The following PEX11B variants were observed in gnomAD, a reference collection of about 807,000 sequenced individuals.
PEX11B encodes peroxisomal membrane protein 11B.
In PEX11B, 18 loss-of-function variants were observed where a neutral mutation model predicts 28.2. That is an observed-to-expected ratio of 0.64 (90% CI 0.44 to 0.95). The LOEUF (loss-of-function observed/expected upper bound fraction) is 0.95. PEX11B is among the 40% of genes least tolerant of loss of function. The probability of loss-of-function intolerance (pLI) is 0.00; values close to 1 mark genes in which losing one functional copy is unlikely to be tolerated. For missense variants in PEX11B, 305 were observed against 319.8 expected, an observed-to-expected ratio of 0.95 and a Z score of 0.35; for synonymous variants, 128 against 128.7, an observed-to-expected ratio of 0.99 and a Z score of 0.04.
At position 145,918,706 on chromosome 1, in the gene PEX11B, C is replaced by A. The variant is rs587689643; in HGVS notation, c.-18G>T. 5.5e-4 allele frequency: 859 copies of A among 1,562,138 alleles called. 13 individuals carry two copies. The South Asian group carries it at 9.4e-3, about 17-fold the overall frequency. On this transcript the variant is annotated 5_prime_UTR_variant, in exon 1 of 4. Coordinates refer to ENST00000369306, the MANE Select transcript of PEX11B (RefSeq NM_003846.3). ...GCGTCCATGACAGCCGCAGCCCAGGCTCCGCGGCCCTGCTCCCGCCCCACT... is the reference window on the plus strand; with the variant it reads ...GCGTCCATGACAGCCGCAGCCCAGGATCCGCGGCCCTGCTCCCGCCCCACT...
chr1:145,912,324 G>A lies in PEX11B; in HGVS notation c.617C>T (p.Pro206Leu), dbSNP rs139422226. The A allele has an allele frequency of 8.6e-5, 138 of 1,613,934 alleles. No individual in the cohort carries two copies. Among genetic ancestry groups the A allele is most frequent in the Non-Finnish European group, 1.0e-4 (123 of 1,180,000 alleles). ...ATTTCTGACCACGTCTAGCAGAAGT[G>A]GGGGATGACCTCTAAGGACTCGAGC... ...LLARVLRGHPPLLLDVVRNAC... is the reference protein window; with the variant it reads ...LLARVLRGHPLLLLDVVRNAC... Residue 206 changes from proline (P) to leucine (L), a missense_variant, in exon 4 of 4, where the codon CCA (proline) becomes CTA (leucine). By Grantham distance (98) the Pro-to-Leu change is moderately conservative. Coordinates refer to ENST00000369306, the MANE Select transcript of PEX11B (RefSeq NM_003846.3).
chr1:145,912,046 C>CT lies in PEX11B; in HGVS notation c.*114dup. 1.2e-6 allele frequency: 1 copy of CT among 810,478 alleles called. No homozygotes were observed. The highest frequency in any genetic ancestry group is 1.8e-6 in the Non-Finnish European group (1 of 551,190). The allele number at this position is 810,478 out of a possible 1,614,324, so 50.2% of individuals were successfully genotyped here. On this transcript the variant is annotated 3_prime_UTR_variant, in exon 4 of 4. Coordinates refer to ENST00000369306, the MANE Select transcript of PEX11B (RefSeq NM_003846.3). ...CAAAGCTCTTCCTCCACCCCTAAAT[C>CT]TCTGAATTTCTAACTTTAACCAAAG... is the stretch of plus-strand genomic sequence containing the variant.
chr1:145,918,625 G>C lies in PEX11B; in HGVS notation c.56+8C>G. 1 of 1,589,396 alleles carries C rather than the reference G, an allele frequency of 6.3e-7. No homozygotes were observed. Among genetic ancestry groups the C allele is most frequent in the Non-Finnish European group, 8.5e-7 (1 of 1,170,386 alleles). ...CCCGCCCCACCCCCATTCCTATTCGGGCCGCACCTACACAGCCGCTCCCGG... is the reference window on the plus strand; with the variant it reads ...CCCGCCCCACCCCCATTCCTATTCGCGCCGCACCTACACAGCCGCTCCCGG... On this transcript the variant is annotated splice_region_variant and intron_variant, in intron 1 of 3. Coordinates refer to ENST00000369306, the MANE Select transcript of PEX11B (RefSeq NM_003846.3).
chr1:145,918,485 C>G, intron 1 of PEX11B, 148 bp downstream of exon 1: 1 of 1,537,022 alleles, frequency 6.5e-7, no homozygotes, highest in Non-Finnish European at 8.7e-7. Flanking sequence ...AACAGCGGCT[C>G]AAATCTGCGC....
intron 3 of PEX11B, among the ~76,000 whole-genome samples, chr1:145,915,794 T>C (rs1375457283): frequency 6.6e-6 from 1 of 151,914 alleles, no homozygotes; most frequent in African/African-American, 2.4e-5. Context: ...CCACCACACC[T>C]GGCTAATTTT....
Position 145,912,464 on chromosome 1 carries a change from A to C in PEX11B, c.477T>G (p.Gly159=). The change falls in exon 4 of 4, where the codon GGT becomes GGG. Residue 159 remains glycine (G), a synonymous_variant. Coordinates refer to ENST00000369306, the MANE Select transcript of PEX11B (RefSeq NM_003846.3). ...TTCCTCCTGGGACTCCTCCTCCAGA[A>C]CCTTTCAGTCGCCGGCTACAAGCAG... ...ESSACSRRLK[G]SGGGVPGGSE... is the part of the protein sequence containing the mutation. The C allele has an allele frequency of 6.6e-7, 1 of 1,520,950 alleles. No individual in the cohort carries two copies. The highest frequency in any genetic ancestry group is 8.8e-7 in the Non-Finnish European group (1 of 1,134,576). 94.2% of individuals were successfully genotyped at this position (1,520,950 alleles called of 1,614,324 possible).
rs1553753974 is a variant in PEX11B, at chr1:145,916,856, G to A, written c.335C>T (p.Pro112Leu). 1.2e-6 allele frequency: 2 copies of A among 1,614,084 alleles called. No homozygotes were observed. The highest frequency in any genetic ancestry group is 2.2e-5 in the South Asian group (2 of 91,082). Residue 112 changes from proline (P) to leucine (L), a missense_variant, in exon 3 of 4, where the codon CCC becomes CTC. Transcript: ENST00000369306. ...VLWAGKSGLAPRVDQEKWAQR... is the reference protein window; with the variant it reads ...VLWAGKSGLALRVDQEKWAQR... ...GGCCCACTTCTCCTGATCCACACGG[G>A]GAGCCAGTCCAGACTTTCCAGCCCA...
Position 145,917,793 on chromosome 1 carries a change from A to G in PEX11B, c.80T>C (p.Leu27Pro). 6.2e-7 allele frequency: 1 copy of G among 1,613,592 alleles called. No homozygotes were observed. Among genetic ancestry groups the G allele is most frequent in the Non-Finnish European group, 8.5e-7 (1 of 1,179,460 alleles). Residue 27 changes from leucine (L) to proline (P), a missense_variant, in exon 2 of 4, where the codon CTT becomes CCT. Physicochemically the swap from Leu to Pro is moderately conservative, Grantham distance 98. Coordinates refer to ENST00000369306, the MANE Select transcript of PEX11B (RefSeq NM_003846.3). Reference sequence around the variant, plus strand: ...ATGCCTCTGCAGCGCATGGCCAAGAAGAGAGCAAGCATACTGGGCGGCCCT... The same window carrying G: ...ATGCCTCTGCAGCGCATGGCCAAGAGGAGAGCAAGCATACTGGGCGGCCCT... ...LCRAAQYACSLLGHALQRHGA... is the reference protein window; with the variant it reads ...LCRAAQYACSPLGHALQRHGA...
At chr1:145,915,698 A>G (rs1647339166) in intron 3 of PEX11B, among the ~76,000 whole-genome samples, 1 of 147,936 alleles carries the variant, frequency 6.8e-6, no homozygotes, top group Admixed American at 6.8e-5. Context: ...CAATAGCACG[A>G]TCTCGGCTCA....
At chr1:145,914,783 C>T (rs1553753670) in intron 3 of PEX11B, among the ~76,000 whole-genome samples, 1 of 152,212 alleles carries the variant, frequency 6.6e-6, no homozygotes, top group Non-Finnish European at 1.5e-5. Context: ...CTCTCTACTC[C>T]ATAACACTGT....
intron 3 of PEX11B, 28 bp downstream of exon 3, chr1:145,916,789 A>C: frequency 6.4e-7 from 1 of 1,561,074 alleles, no homozygotes; most frequent in African/African-American, 1.4e-5. Context: ...TACAAAAAAA[A>C]ATCTTAAAGG....
chr1:145,918,317 G>C, intron 1 of PEX11B: 1 of 1,497,706 alleles, frequency 6.7e-7, no homozygotes, highest in Non-Finnish European at 8.9e-7. Context: ...GGCAGAGTCT[G>C]GGGCTATCCA....
At chr1:145,917,908 T>C (rs1453902855) in intron 1 of PEX11B, 92 bp from the exon 2 acceptor site, 3 of 1,395,732 alleles carry the variant, frequency 2.1e-6, no homozygotes, top group Non-Finnish European at 2.9e-6. Context: ...CTTCCCCCTT[T>C]CCCAGTTTGA....
At chr1:145,918,433 T>C in intron 1 of PEX11B, 200 bp downstream of exon 1, 1 of 1,536,188 alleles carries the variant, frequency 6.5e-7, no homozygotes, top group South Asian at 1.2e-5. Flanking sequence ...CACTCATGCC[T>C]CAGTTTCCCC....
At position 145,912,424 on chromosome 1, in the gene PEX11B, G is replaced by C; in HGVS notation, c.517C>G (p.Leu173Val). ...GVPGGSETGG[L>V]GGPGTPGGGL... is the part of the protein sequence containing the mutation. ...CCTCCTGGAGTCCCTGGTCCCCCAA[G>C]TCCCCCAGTTTCACTTCCTCCTGGG... is the stretch of plus-strand genomic sequence containing the variant. The change falls in exon 4 of 4, where the codon CTT becomes GTT. Residue 173 changes from leucine (L) to valine (V), a missense_variant. Coordinates refer to ENST00000369306, the MANE Select transcript of PEX11B (RefSeq NM_003846.3). The C allele has an allele frequency of 1.3e-6, 2 of 1,577,322 alleles. No individual in the cohort carries two copies. Among genetic ancestry groups the C allele is most frequent in the Non-Finnish European group, 1.7e-6 (2 of 1,160,814 alleles).
Position 145,912,221 on chromosome 1 carries a change from G to C in PEX11B, c.720C>G (p.Leu240=), listed in dbSNP as rs184212399. ...TGAGAATAGACAGGATGGAGGACAC[G>C]AGGCCACAAAGCCCCACAATCCCAG... ...CGPGIVGLCG[L]VSSILSILTL... The change falls in exon 4 of 4, where the codon CTC becomes CTG. Residue 240 remains leucine (L), a synonymous_variant. Transcript: ENST00000369306. 12 of 1,613,946 alleles carry C rather than the reference G, an allele frequency of 7.4e-6. No homozygotes were observed. Among genetic ancestry groups the C allele is most frequent in the Admixed American group, 1.7e-5 (1 of 60,002 alleles).
In PEX11B at chr1:145,917,003, T is replaced by C. The variant is rs587712777; in HGVS notation, c.188A>G (p.Asn63Ser). Residue 63 changes from asparagine to serine, a missense_variant, in exon 3 of 4, where the codon AAC becomes AGC. Transcript: ENST00000369306. ...SLGRKLLRLG[N>S]SADALESAKR... ...GGCTGACTCAAGGGCATCTGCTGAG[T>C]TACCCAGGCGTAGAACTTGTGGAGA... The C allele has an allele frequency of 6.2e-7, 1 of 1,611,540 alleles. No homozygotes were observed. Among genetic ancestry groups the C allele is most frequent in the Non-Finnish European group, 8.5e-7 (1 of 1,177,668 alleles).
rs1559221393 is a variant in PEX11B, at chr1:145,912,238, C to T, written c.703G>A (p.Val235Met). 1 of 1,614,042 alleles carries T rather than the reference C, an allele frequency of 6.2e-7. No individual in the cohort carries two copies. The highest frequency in any genetic ancestry group is 8.5e-7 in the Non-Finnish European group (1 of 1,179,962). The change falls in exon 4 of 4, where the codon GTG (valine) becomes ATG (methionine). Residue 235 changes from valine to methionine, a missense_variant. Physicochemically the swap from Val to Met is conservative, Grantham distance 21 (BLOSUM62 1). Coordinates refer to ENST00000369306, the MANE Select transcript of PEX11B (RefSeq NM_003846.3). ...GAGGACACGAGGCCACAAAGCCCCACAATCCCAGGGCCACAGCGCCAGAGG... is the reference window on the plus strand; with the variant it reads ...GAGGACACGAGGCCACAAAGCCCCATAATCCCAGGGCCACAGCGCCAGAGG... The part of the protein sequence containing the change: ...LGLWRCGPGI[V>M]GLCGLVSSIL...
At chr1:145,917,652 G>T in intron 2 of PEX11B, 49 bp downstream of exon 2, 1 of 1,029,406 alleles carries the variant, frequency 9.7e-7, no homozygotes, top group Non-Finnish European at 1.5e-6. Context: ...AAGGTGAGCT[G>T]GGGATGGAGG....
Sources: gnomAD v4.1 joint callset for allele counts (sites outside exome capture counted in the v4.1 genomes callset) on GRCh38, gnomAD v4.1.1 for gene constraint, MANE v1.5 for transcripts, NCBI Gene and HGNC (gene_info 2026-07-23, HGNC 2026-07-21) for gene names.